COG6: variants seen among roughly 807,000 people sequenced by gnomAD.
The protein encoded by COG6 is component of oligomeric golgi complex 6.
Under a neutral mutation model 88.8 loss-of-function variants are expected in COG6, and 74 were observed. That is an observed-to-expected ratio of 0.83 (90% CI 0.69 to 1.01). The LOEUF (loss-of-function observed/expected upper bound fraction) is 1.01, where lower values mean the gene tolerates loss of function less well. Among genes scored for constraint, COG6 ranks in the 50% least tolerant of loss-of-function variants. The pLI, the probability that COG6 is intolerant of heterozygous loss-of-function variation, is 0.00. For synonymous variants in COG6, 286 were observed against 278.7 expected, an observed-to-expected ratio of 1.03 and a Z score of -0.26; for missense variants, 800 against 797.9, an observed-to-expected ratio of 1.00 and a Z score of -0.03.
intron 3 of COG6, among the ~76,000 whole-genome samples, chr13:39,661,541 C>G (rs1047492620): frequency 6.6e-6 from 1 of 152,090 alleles, no homozygotes; most frequent in Non-Finnish European, 1.5e-5. Context: ...ACAGATTAAT[C>G]ACAGGCTACT....
At chr13:39,774,435 A>T (rs899783907) in intron 18 of COG6, among the ~76,000 whole-genome samples, 1 of 152,116 alleles carries the variant, frequency 6.6e-6, no homozygotes, top group Non-Finnish European at 1.5e-5. Flanking sequence ...GATATTTAAA[A>T]ATTTCTTTTC....
chr13:39,771,846 A>G (rs1881325391), intron 18 of COG6, among the ~76,000 whole-genome samples: 1 of 152,192 alleles, frequency 6.6e-6, no homozygotes. Context: ...ACCTTTTTCT[A>G]ATGCTTGCCA....
At chr13:39,732,203 C>T (rs1879490324) in intron 18 of COG6, among the ~76,000 whole-genome samples, 1 of 152,154 alleles carries the variant, frequency 6.6e-6, no homozygotes, top group African/African-American at 2.4e-5. Flanking sequence ...GTCAAGTTAA[C>T]CCTTAAGATT....
chr13:39,727,624 A>T (rs1879207013), intron 18 of COG6, 76 bp downstream of exon 18: 1 of 1,094,458 alleles, frequency 9.1e-7, no homozygotes, highest in South Asian at 1.3e-5. Flanking sequence ...TTTGGAAAAA[A>T]ATTTATTTTC....
At chr13:39,722,876 G>A (rs1281422395) in intron 15 of COG6, among the ~76,000 whole-genome samples, 2 of 152,052 alleles carry the variant, frequency 1.3e-5, no homozygotes, top group African/African-American at 4.8e-5. Context: ...ATCCTCAGGA[G>A]AATTTACTAC....
In COG6 at chr13:39,687,564, G is replaced by A. The variant is rs1481730403; in HGVS notation, c.850G>A (p.Ala284Thr). 3.1e-6 allele frequency: 5 copies of A among 1,613,342 alleles called. No individual in the cohort carries two copies. In the Admixed American group the frequency reaches 5.0e-5, roughly 16 times the overall value. ...TACAGTTGTTCGTGGATTTATTGAT[G>A]CGCTCACAAGAGGGGGCCCCGGAGG... ...RSTVVRGFID[A>T]LTRGGPGGTP... The change falls in exon 9 of 19, where the codon GCG (alanine) becomes ACG (threonine). Residue 284 changes from alanine (A) to threonine (T), a missense_variant. Ala to Thr is a moderately conservative substitution (Grantham distance 58, BLOSUM62 0). Transcript: ENST00000455146.
intron 3 of COG6, 42 bp from the exon 4 acceptor site, chr13:39,665,054 A>G (rs777731381): frequency 9.8e-6 from 9 of 918,630 alleles, no homozygotes; most frequent in Middle Eastern, 2.6e-4. Flanking sequence ...GAAATATAAT[A>G]AAATTGGAAT....
intron 18 of COG6, among the ~76,000 whole-genome samples, chr13:39,758,072 T>C (rs151149651): frequency 1.3e-5 from 2 of 151,558 alleles, no homozygotes; most frequent in African/African-American, 2.4e-5. Context: ...ATACAAAAAT[T>C]AGCTGGGCGT....
intron 5 of COG6, among the ~76,000 whole-genome samples, chr13:39,677,874 T>C (rs558206763): frequency 4.2e-4 from 64 of 152,354 alleles, no homozygotes; most frequent in African/African-American, 1.4e-3. Context: ...GTAAATTCTA[T>C]ATTCTAGATC....
intron 18 of COG6, among the ~76,000 whole-genome samples, chr13:39,770,958 A>G (rs1345616697): frequency 6.6e-6 from 1 of 152,142 alleles, no homozygotes; most frequent in Non-Finnish European, 1.5e-5. Flanking sequence ...ACTTGATAAC[A>G]TTAATTGTCT....
chr13:39,728,046 G>A (rs1879229955), intron 18 of COG6, among the ~76,000 whole-genome samples: 1 of 152,014 alleles, frequency 6.6e-6, no homozygotes, highest in Non-Finnish European at 1.5e-5. Flanking sequence ...GAAGCGGAGA[G>A]ATTATATGAT....
chr13:39,706,255 T>TTATATATATATATATATATATTTAAATA (rs1877903507), intron 13 of COG6, among the ~76,000 whole-genome samples: 1 of 114,672 alleles, frequency 8.7e-6, no homozygotes, highest in Non-Finnish European at 1.8e-5. Flanking sequence ...ATATACTCCT[T>TTATATATATATATATATATATTTAAATA]TATATATATA....
At chr13:39,775,256 A>G (rs1214149020) in intron 18 of COG6, among the ~76,000 whole-genome samples, 2 of 133,162 alleles carry the variant, frequency 1.5e-5, no homozygotes, top group Non-Finnish European at 3.2e-5. Flanking sequence ...GATGAGGCTA[A>G]TGATGTTGTG....
chr13:39,712,238 T>C (rs1279870669), intron 13 of COG6, among the ~76,000 whole-genome samples: 1 of 152,174 alleles, frequency 6.6e-6, no homozygotes, highest in Non-Finnish European at 1.5e-5. Context: ...GAAACATCTT[T>C]AATACTGTAC....
At chr13:39,664,344 T>C (rs9548871) in intron 3 of COG6, among the ~76,000 whole-genome samples, 99,781 of 151,320 alleles carry the variant, frequency 0.66, 33,078 homozygotes, top group Admixed American at 0.77. Context: ...GGCACAGACC[T>C]TGTTTCTCTA....
intron 18 of COG6, among the ~76,000 whole-genome samples, chr13:39,745,006 A>G (rs901097733): frequency 6.6e-6 from 1 of 152,236 alleles, no homozygotes; most frequent in Non-Finnish European, 1.5e-5. Context: ...TTCCCTATTT[A>G]ATAAATGGTA....
chr13:39,742,154 G>T (rs550261829), intron 18 of COG6, among the ~76,000 whole-genome samples: 1 of 152,000 alleles, frequency 6.6e-6, no homozygotes, highest in Non-Finnish European at 1.5e-5. Flanking sequence ...AAAACATGCC[G>T]AACTGTAAAG....
intron 18 of COG6, among the ~76,000 whole-genome samples, chr13:39,765,294 C>A (rs1881132101): frequency 6.6e-6 from 1 of 152,162 alleles, no homozygotes. Context: ...CTGGCAGTTC[C>A]ATTTGCTTTG....
intron 18 of COG6, among the ~76,000 whole-genome samples, chr13:39,740,915 G>A (rs1214309783): frequency 1.4e-4 from 21 of 152,166 alleles, no homozygotes. Context: ...TAACTGCGGT[G>A]CTAAAATAAA....
Sources: allele counts gnomAD v4.1 joint callset (sites outside exome capture counted in the v4.1 genomes callset), GRCh38; gene constraint gnomAD v4.1.1; transcripts MANE v1.5; gene names NCBI Gene and HGNC (gene_info 2026-07-23, HGNC 2026-07-21).